EPHA6: variants seen among roughly 807,000 people sequenced by gnomAD.
EPHA6 encodes EPH receptor A6.
Under a neutral mutation model 112.0 loss-of-function variants are expected in EPHA6, and 50 were observed. That is an observed-to-expected ratio of 0.45 (90% CI 0.36 to 0.56). The LOEUF (loss-of-function observed/expected upper bound fraction) is 0.56, where lower values mean the gene tolerates loss of function less well. Ranked by LOEUF, EPHA6 falls within the 20% of genes least tolerant of loss-of-function variation. The pLI is 0.00. For synonymous variants in EPHA6, 529 were observed against 490.7 expected, an observed-to-expected ratio of 1.08 and a Z score of -1.03; for missense variants, 1,280 against 1,417.4, an observed-to-expected ratio of 0.90 and a Z score of 1.56.
chr3:97,603,838 A>G (rs2107423505), intron 12 of EPHA6, among the ~76,000 whole-genome samples: 1 of 152,072 alleles, frequency 6.6e-6, no homozygotes, highest in East Asian at 1.9e-4. Flanking sequence ...AATTTCAGGC[A>G]TATATGATTT....
At chr3:97,417,176 T>C (rs191985315) in intron 6 of EPHA6, among the ~76,000 whole-genome samples, 1 of 152,286 alleles carries the variant, frequency 6.6e-6, no homozygotes, top group African/African-American at 2.4e-5. Context: ...ATATGTCATT[T>C]GCTAAGTAAA....
At chr3:97,705,644 G>A (rs1451608399) in intron 14 of EPHA6, among the ~76,000 whole-genome samples, 1 of 152,014 alleles carries the variant, frequency 6.6e-6, no homozygotes, top group Admixed American at 6.6e-5. Flanking sequence ...AAGAAAACAG[G>A]ACAGTAGAGA....
intron 5 of EPHA6, among the ~76,000 whole-genome samples, chr3:97,357,154 A>G (rs1487897817): frequency 2.0e-5 from 3 of 152,070 alleles, no homozygotes; most frequent in African/African-American, 7.2e-5. Flanking sequence ...TCCACTTTCA[A>G]TCTATATCTT....
chr3:97,154,868 TTTAA>T (rs1282652418), intron 3 of EPHA6, among the ~76,000 whole-genome samples: 1 of 152,178 alleles, frequency 6.6e-6, no homozygotes, highest in Non-Finnish European at 1.5e-5. Context: ...TCTCAATTAG[TTTAA>T]TTGACTAAAA....
At chr3:97,602,602 C>T (rs189992520) in intron 12 of EPHA6, among the ~76,000 whole-genome samples, 6 of 152,178 alleles carry the variant, frequency 3.9e-5, no homozygotes, top group Admixed American at 1.3e-4. Context: ...TGCTTAAACT[C>T]TCAGTGCATC....
chr3:97,577,290 A>G (rs576982737), intron 11 of EPHA6, among the ~76,000 whole-genome samples: 12 of 152,236 alleles, frequency 7.9e-5, no homozygotes, highest in Non-Finnish European at 1.6e-4. Context: ...AATTTGCATA[A>G]GACTTATCCA....
At chr3:97,134,173 A>T (rs1333479918) in intron 3 of EPHA6, among the ~76,000 whole-genome samples, 1 of 152,100 alleles carries the variant, frequency 6.6e-6, no homozygotes, top group African/African-American at 2.4e-5. Flanking sequence ...TCCAAATGAG[A>T]TTCTCCCACT....
intron 5 of EPHA6, among the ~76,000 whole-genome samples, chr3:97,284,156 A>G (rs2108671021): frequency 6.6e-6 from 1 of 152,286 alleles, no homozygotes. Context: ...AATCTATTTA[A>G]AGTTTCCCAT....
At chr3:96,942,963 A>G (rs1322508283) in intron 2 of EPHA6, among the ~76,000 whole-genome samples, 1 of 151,864 alleles carries the variant, frequency 6.6e-6, no homozygotes, top group South Asian at 2.1e-4. Flanking sequence ...TATTCCTCCT[A>G]TCTAACTCTA....
rs138654403 is a variant in EPHA6 at position 97,043,187 on chromosome 3, C to T, written c.1114+55194C>T. 1.4e-4 allele frequency among the ~76,000 whole-genome samples: 21 copies of T among 152,102 alleles called. No homozygotes were observed. The East Asian group carries it at 3.9e-3, about 28-fold the overall frequency. On this transcript the variant is annotated intron_variant, in intron 3 of 17. Coordinates refer to ENST00000389672, the MANE Select transcript of EPHA6 (RefSeq NM_001080448.3). Reference sequence around the variant, plus strand: ...CTCAGCGGTCTTCCCTTCTGTATTTCCTGAACCAAAGGAAAGACAGCTAAG... The same window carrying T: ...CTCAGCGGTCTTCCCTTCTGTATTTTCTGAACCAAAGGAAAGACAGCTAAG...
At position 97,448,665 on chromosome 3, in the gene EPHA6, G is replaced by T; in HGVS notation, c.1829G>T (p.Arg610Leu). 6.2e-7 allele frequency: 1 copy of T among 1,613,488 alleles called. No homozygotes were observed. Among genetic ancestry groups the T allele is most frequent in the South Asian group, 1.1e-5 (1 of 91,074 alleles). Reference protein sequence around the residue: ...KPATKYVFHIRVRTATGYSGY... With the variant: ...KPATKYVFHILVRTATGYSGY... ...GCCACCAAATATGTATTTCACATCC[G>T]AGTGAGAACTGCGACAGGATACAGT... Residue 610 changes from arginine (R) to leucine (L), a missense_variant, in exon 7 of 18, where the codon CGA (arginine) becomes CTA (leucine). This residue lies in a region of EPHA6 where 878 missense variants were observed against 999.7 expected (regional missense o/e 0.88). Transcript: ENST00000389672.
intron 10 of EPHA6, among the ~76,000 whole-genome samples, chr3:97,529,851 T>C (rs577073100): frequency 6.6e-6 from 1 of 152,160 alleles, no homozygotes; most frequent in South Asian, 2.1e-4. Flanking sequence ...ACCTGCCTGG[T>C]GTTAATAAGA....
At chr3:97,244,478 G>A in intron 5 of EPHA6, 191 bp downstream of exon 5, 1 of 569,438 alleles carries the variant, frequency 1.8e-6, no homozygotes, top group South Asian at 2.5e-5. Flanking sequence ...CTTCTCAGCA[G>A]TATGAATAAT....
intron 3 of EPHA6, among the ~76,000 whole-genome samples, chr3:97,075,308 G>C (rs1424219575): frequency 1.3e-5 from 2 of 151,746 alleles, no homozygotes; most frequent in Admixed American, 1.3e-4. Context: ...TAATATATTA[G>C]GCAAACTGGA....
intron 3 of EPHA6, among the ~76,000 whole-genome samples, chr3:97,181,605 G>T (rs564370931): frequency 1.6e-5 from 2 of 123,760 alleles, no homozygotes; most frequent in Non-Finnish European, 3.2e-5. Flanking sequence ...GTGTATATAT[G>T]TGTGTGTGTG....
chr3:97,290,575 G>C (rs750679884), intron 5 of EPHA6, among the ~76,000 whole-genome samples: 10 of 152,074 alleles, frequency 6.6e-5, no homozygotes, highest in Non-Finnish European at 1.2e-4. Context: ...TTCTCTCTCT[G>C]TTTAGATTTT....
intron 10 of EPHA6, among the ~76,000 whole-genome samples, chr3:97,529,480 A>G (rs1302573488): frequency 6.6e-6 from 1 of 152,094 alleles, no homozygotes; most frequent in Non-Finnish European, 1.5e-5. Flanking sequence ...TTGATGAGTT[A>G]ATTATGTACT....
At chr3:97,376,758 G>C (rs1206215588) in intron 5 of EPHA6, among the ~76,000 whole-genome samples, 1 of 152,158 alleles carries the variant, frequency 6.6e-6, no homozygotes, top group Non-Finnish European at 1.5e-5. Context: ...AAATTAGAAA[G>C]TAAGAGAACA....
chr3:97,705,926 A>G (rs2033654480), intron 14 of EPHA6, among the ~76,000 whole-genome samples: 1 of 152,216 alleles, frequency 6.6e-6, no homozygotes, highest in African/African-American at 2.4e-5. Flanking sequence ...GCAGTGCTCC[A>G]GTGATGTCCT....
Sources: gnomAD v4.1 joint callset for allele counts (sites outside exome capture counted in the v4.1 genomes callset) on GRCh38, gnomAD v4.1.1 for gene constraint, gnomAD v4.1.1 regional missense constraint, MANE v1.5 for transcripts, NCBI Gene and HGNC (gene_info 2026-07-23, HGNC 2026-07-21) for gene names.